ZNF737: variants seen among roughly 807,000 people sequenced by gnomAD.
ZNF737 encodes the protein zinc finger protein 737, also known as zinc finger protein 102 (Y3).
In ZNF737, 13 loss-of-function variants were observed where a neutral mutation model predicts 11.7. That is an observed-to-expected ratio of 1.11 (90% CI 0.73 to 1.77). ZNF737 has a LOEUF of 1.77. ZNF737 is among the 40% of genes most tolerant of loss of function. The probability of loss-of-function intolerance (pLI) is 0.00; values close to 1 mark genes in which losing one functional copy is unlikely to be tolerated. For synonymous variants in ZNF737, 217 were observed against 216.2 expected (o/e 1.00, Z -0.03); for missense variants, 636 against 638.0 (o/e 1.00, Z 0.03).
rs868992601 is a variant in ZNF737, at chr19:20,539,038, G to C, written c.*5554C>G. On this transcript the variant is annotated 3_prime_UTR_variant, in exon 4 of 4. Transcript: ENST00000427401. ...TGGCTGGGAAAAGTGGCTCATGCCT[G>C]TAATCCCAGCACTCTGGGAGGCTGA... The C allele has an allele frequency of 3.6e-5, 35 of 977,234 alleles. No individual in the cohort carries two copies. The highest frequency in any genetic ancestry group is 1.1e-3 in the Middle Eastern group (2 of 1,892). 60.5% of individuals were successfully genotyped at this position (977,234 alleles called of 1,614,324 possible).
rs1356839038 is a variant in ZNF737, at chr19:20,544,789, T to C, written c.1414A>G (p.Lys472Glu). ...GGTTTCTCTCCAGTATGAATTCTCT[T>C]ATGTGCAGTAAGGTGTGAGGACGAG... ...FNSSSHLTAH[K>E]RIHTGEKPYK... Residue 472 changes from lysine to glutamate, a missense_variant, in exon 4 of 4, where the codon AAG becomes GAG. Lys to Glu is a moderately conservative substitution (Grantham distance 56). Coordinates refer to ENST00000427401, the MANE Select transcript of ZNF737 (RefSeq NM_001159293.2). 3 of 1,609,508 alleles carry C rather than the reference T, an allele frequency of 1.9e-6. No homozygotes were observed. Among genetic ancestry groups the C allele is most frequent in the Non-Finnish European group, 2.5e-6 (3 of 1,178,186 alleles).
In ZNF737 at chr19:20,541,252, C is replaced by G. The variant is rs1968193224; in HGVS notation, c.*3340G>C. 3 of 984,426 alleles carry G rather than the reference C, an allele frequency of 3.0e-6. No homozygotes were observed. The highest frequency in any genetic ancestry group is 4.7e-5 in the South Asian group (1 of 21,264). The allele number at this position is 984,426 out of a possible 1,614,324, so 61.0% of individuals were successfully genotyped here. A position where few individuals can be genotyped will look rare whatever the true frequency, so the allele number is the denominator to read the frequency against. ...CTTTTATTCTGAAAATATGTACAAACCTATACTCACACAAAAACACTCAAT... is the reference window on the plus strand; with the variant it reads ...CTTTTATTCTGAAAATATGTACAAAGCTATACTCACACAAAAACACTCAAT... On this transcript the variant is annotated 3_prime_UTR_variant, in exon 4 of 4. Coordinates refer to ENST00000427401, the MANE Select transcript of ZNF737 (RefSeq NM_001159293.2).
In ZNF737 at chr19:20,543,786, T is replaced by C; in HGVS notation, c.*806A>G. The C allele has an allele frequency of 1.0e-6, 1 of 985,448 alleles. No homozygotes were observed. Among genetic ancestry groups the C allele is most frequent in the Non-Finnish European group, 1.2e-6 (1 of 829,950 alleles). 61.0% of individuals were successfully genotyped at this position (985,448 alleles called of 1,614,324 possible). ...TAAAAGCAATGTCACATTTTTTAGC[T>C]TTGCGGATTTCCTCTTCAACATGAA... is the stretch of plus-strand genomic sequence containing the variant. On this transcript the variant is annotated 3_prime_UTR_variant, in exon 4 of 4. Coordinates refer to ENST00000427401, the MANE Select transcript of ZNF737 (RefSeq NM_001159293.2).
chr19:20,538,695 G>C lies in ZNF737; in HGVS notation c.*5897C>G, dbSNP rs68151407. 125,920 of 984,742 alleles carry C rather than the reference G, an allele frequency of 0.13. 8,362 individuals are homozygous for C. Among genetic ancestry groups the C allele is most frequent in the Non-Finnish European group, 0.13 (110,993 of 829,402 alleles). The allele number at this position is 984,742 out of a possible 1,614,324, so 61.0% of individuals were successfully genotyped here. On this transcript the variant is annotated 3_prime_UTR_variant, in exon 4 of 4. Coordinates refer to ENST00000427401, the MANE Select transcript of ZNF737 (RefSeq NM_001159293.2). ...GGGGGAATTGGTATCTCTGTAAAGA[G>C]ACAGTAAGGAAATGCTGAGTGGAGG...
intron 3 of ZNF737, among the ~76,000 whole-genome samples, chr19:20,551,969 A>C (rs1451714283): frequency 6.6e-6 from 1 of 151,898 alleles, no homozygotes; most frequent in African/African-American, 2.4e-5. Context: ...ATCTTGAAAA[A>C]AAAAAAGAAC....
rs1244213908 is a variant in ZNF737 at position 20,544,381 on chromosome 19, T to C, written c.*211A>G. 1.9e-5 allele frequency: 26 copies of C among 1,402,754 alleles called. No individual in the cohort carries two copies. Among genetic ancestry groups the C allele is most frequent in the Non-Finnish European group, 2.4e-5 (26 of 1,083,460 alleles). The allele number at this position is 1,402,754 out of a possible 1,614,324, so 86.9% of individuals were successfully genotyped here. The stretch of plus-strand genomic sequence containing the variant: ...CCAGTACGAATTATCTTATGTCTAG[T>C]AAGGGCAGAGGTGTCCTTAAAGGCT... On this transcript the variant is annotated 3_prime_UTR_variant, in exon 4 of 4. Coordinates refer to ENST00000427401, the MANE Select transcript of ZNF737 (RefSeq NM_001159293.2).
Position 20,539,598 on chromosome 19 carries a change from A to T in ZNF737, c.*4994T>A, listed in dbSNP as rs1968116763. ...TATCTACATAACTAATCATGGATTC[A>T]AAAAATATTCATATTAATGTGTTTA... is the stretch of plus-strand genomic sequence containing the variant. On this transcript the variant is annotated 3_prime_UTR_variant, in exon 4 of 4. Transcript: ENST00000427401. 2 of 972,754 alleles carry T rather than the reference A, an allele frequency of 2.1e-6. No homozygotes were observed. Among genetic ancestry groups the T allele is most frequent in the South Asian group, 4.8e-5 (1 of 21,004 alleles). The allele number at this position is 972,754 out of a possible 1,614,324, so 60.3% of individuals were successfully genotyped here. A position where few individuals can be genotyped will look rare whatever the true frequency, so the allele number is the denominator to read the frequency against.
At chr19:20,555,392 C>CA (rs1968852786) in intron 1 of ZNF737, among the ~76,000 whole-genome samples, 1 of 152,006 alleles carries the variant, frequency 6.6e-6, no homozygotes, top group South Asian at 2.1e-4. Flanking sequence ...CTGTGTTAGC[C>CA]AGGATGGTCT....
the ZNF737 span, among the ~76,000 whole-genome samples, chr19:20,530,405 G>A: frequency 1.3e-5 from 2 of 148,950 alleles, no homozygotes; most frequent in Non-Finnish European, 3.0e-5. Flanking sequence ...GCCTGACGGG[G>A]GCTGACCCCC....
intron 3 of ZNF737, among the ~76,000 whole-genome samples, chr19:20,546,445 G>A (rs563543512): frequency 2.9e-4 from 44 of 152,222 alleles, no homozygotes; most frequent in Admixed American, 2.9e-3. Context: ...AATTTATATT[G>A]CAGCATGAGG....
chr19:20,552,112 T>C (rs1184502956), intron 3 of ZNF737, among the ~76,000 whole-genome samples: 2 of 151,926 alleles, frequency 1.3e-5, no homozygotes, highest in Admixed American at 1.3e-4. Flanking sequence ...ACATCAGACC[T>C]GATGCAAAAA....
downstream of ZNF737, among the ~76,000 whole-genome samples, chr19:20,532,111 G>A (rs111749913): frequency 6.7e-6 from 1 of 150,206 alleles, no homozygotes; most frequent in African/African-American, 2.5e-5. Flanking sequence ...GTCCAGGACA[G>A]TATTTCAGCA....
downstream of ZNF737, among the ~76,000 whole-genome samples, chr19:20,537,511 ATTTTTTTTTTTTT>A (rs1163609628): frequency 1.3e-5 from 1 of 77,090 alleles, no homozygotes; most frequent in Non-Finnish European, 2.4e-5. Context: ...CTGGTTTTCT[ATTTTTTTTTTTTT>A]TTTTTTTTTT....
intron 1 of ZNF737, among the ~76,000 whole-genome samples, chr19:20,560,535 C>T (rs1347281676): frequency 6.6e-6 from 1 of 152,116 alleles, no homozygotes; most frequent in Non-Finnish European, 1.5e-5. Context: ...AATCCCACCA[C>T]TTTGGGAGGC....
chr19:20,542,037 C>T lies in ZNF737; in HGVS notation c.*2555G>A. 1 of 984,760 alleles carries T rather than the reference C, an allele frequency of 1.0e-6. No individual in the cohort carries two copies. Among genetic ancestry groups the T allele is most frequent in the Non-Finnish European group, 1.2e-6 (1 of 829,462 alleles). The allele number at this position is 984,760 out of a possible 1,614,324, so 61.0% of individuals were successfully genotyped here. A position where few individuals can be genotyped will look rare whatever the true frequency, so the allele number is the denominator to read the frequency against. On this transcript the variant is annotated 3_prime_UTR_variant, in exon 4 of 4. Coordinates refer to ENST00000427401, the MANE Select transcript of ZNF737 (RefSeq NM_001159293.2). Reference sequence around the variant, plus strand: ...ATGGGAACAATATTTAACTCATTTGCAGTTTAAAGCCACTGACAGTGATTA... The same window carrying T: ...ATGGGAACAATATTTAACTCATTTGTAGTTTAAAGCCACTGACAGTGATTA...
intron 3 of ZNF737, among the ~76,000 whole-genome samples, chr19:20,551,914 C>A (rs1599420711): frequency 2.2e-5 from 3 of 139,130 alleles, no homozygotes; most frequent in African/African-American, 2.6e-5. Context: ...ATGGAAAATA[C>A]AATTCTAAAA....
chr19:20,549,416 C>T (rs1276084073), intron 3 of ZNF737, among the ~76,000 whole-genome samples: 1 of 151,938 alleles, frequency 6.6e-6, no homozygotes, highest in Non-Finnish European at 1.5e-5. Context: ...AATCCTGAGG[C>T]CAGCAGTTCC....
rs1555756736 is a variant in ZNF737 at position 20,545,522 on chromosome 19, T to C, written c.681A>G (p.Lys227=). The C allele has an allele frequency of 6.2e-7, 1 of 1,613,456 alleles. No homozygotes were observed. Among genetic ancestry groups the C allele is most frequent in the Non-Finnish European group, 8.5e-7 (1 of 1,179,810 alleles). ...TGCCACAGTCTTCACATTTGTACCGTTTCTCTCCAGTATGAATTCTCTTAT... is the reference window on the plus strand; with the variant it reads ...TGCCACAGTCTTCACATTTGTACCGCTTCTCTCCAGTATGAATTCTCTTAT... The part of the protein sequence containing the change: ...TTHKRIHTGE[K]RYKCEDCGKA... Residue 227 remains lysine, a synonymous_variant, in exon 4 of 4, where the codon AAA becomes AAG. Coordinates refer to ENST00000427401, the MANE Select transcript of ZNF737 (RefSeq NM_001159293.2).
Position 20,544,940 on chromosome 19 carries a change from T to A in ZNF737, c.1263A>T (p.Gly421=). ...SLTTHKIIHT[G]QQPFKCEECG... ...ATTCTTCACACTTGAAGGGTTGCTG[T>A]CCAGTATGGATTATCTTATGTGTAG... The change falls in exon 4 of 4, where the codon GGA becomes GGT. Residue 421 remains glycine (G), a synonymous_variant. Coordinates refer to ENST00000427401, the MANE Select transcript of ZNF737 (RefSeq NM_001159293.2). 1 of 1,613,026 alleles carries A rather than the reference T, an allele frequency of 6.2e-7. No homozygotes were observed. Among genetic ancestry groups the A allele is most frequent in the South Asian group, 1.1e-5 (1 of 90,936 alleles).
Sources: gnomAD v4.1 joint callset for allele counts (sites outside exome capture counted in the v4.1 genomes callset) on GRCh38, gnomAD v4.1.1 for gene constraint, MANE v1.5 for transcripts, NCBI Gene and HGNC (gene_info 2026-07-23, HGNC 2026-07-21) for gene names.